Variants in FLRT2 observed in about 807,000 individuals in gnomAD.
FLRT2 encodes leucine-rich repeat transmembrane protein FLRT2.
A neutral mutation model predicts 40.0 loss-of-function variants in FLRT2; 15 were observed. The ratio of observed to expected loss-of-function variants is 0.38; its 90% CI spans 0.25 to 0.58. FLRT2 has a LOEUF of 0.58. Among genes scored for constraint, FLRT2 ranks in the 20% least tolerant of loss-of-function variants. The pLI is 0.71. For synonymous variants in FLRT2, 380 were observed against 336.8 expected (o/e 1.13, Z -1.41); for missense variants, 726 against 840.0 (o/e 0.86, Z 1.68).
rs1894306909 is a variant in FLRT2, at chr14:85,646,464, AGAAG to A, written c.*22973_*22976del. The A allele has an allele frequency of 6.6e-6, 1 of 152,202 alleles. No homozygotes were observed. Among genetic ancestry groups the A allele is most frequent in the Non-Finnish European group, 1.5e-5 (1 of 68,066 alleles). The allele number at this position is 152,202 out of a possible 1,614,324, so 9.4% of individuals were successfully genotyped here. ...ATGAATCAATTTAAAACAAATCATG[AGAAG>A]GAAGGGAGGAAAGGATGAAGTAGGT... is the stretch of plus-strand genomic sequence containing the variant. On this transcript the variant is annotated 3_prime_UTR_variant, in exon 2 of 2. Transcript: ENST00000330753.
At position 85,647,534 on chromosome 14, in the gene FLRT2, G is replaced by C. The variant is rs1169685397; in HGVS notation, c.*24037G>C. 6.6e-6 allele frequency: 1 copy of C among 152,178 alleles called. No individual in the cohort carries two copies. The highest frequency in any genetic ancestry group is 1.5e-5 in the Non-Finnish European group (1 of 68,024). 9.4% of individuals were successfully genotyped at this position (152,178 alleles called of 1,614,324 possible). ...TGGAAGAATGTTTCTCTTCCAAGAG[G>C]ACACAACAATGATTCATTTGAACTC... On this transcript the variant is annotated 3_prime_UTR_variant, in exon 2 of 2. Transcript: ENST00000330753.
chr14:85,581,249 G>T (rs1471598033), intron 1 of FLRT2, among the ~76,000 whole-genome samples: 2 of 152,172 alleles, frequency 1.3e-5, no homozygotes, highest in Non-Finnish European at 2.9e-5. Context: ...CTTCCCATTT[G>T]TTTGAAGATG....
intron 1 of FLRT2, among the ~76,000 whole-genome samples, chr14:85,567,016 A>T (rs1283038397): frequency 6.6e-6 from 1 of 152,218 alleles, no homozygotes; most frequent in Non-Finnish European, 1.5e-5. Flanking sequence ...AAACAGTGTC[A>T]TTGAAAGTTG....
intron 1 of FLRT2, among the ~76,000 whole-genome samples, chr14:85,550,502 A>G (rs897250615): frequency 5.9e-5 from 9 of 152,258 alleles, no homozygotes; most frequent in African/African-American, 2.2e-4. Context: ...TAATGTAATT[A>G]CAATCAGCTA....
Position 85,608,745 on chromosome 14 carries a change from G to A in FLRT2, c.-376-12394G>A, listed in dbSNP as rs977200525. Among the ~76,000 whole-genome samples, 10 of 152,228 alleles carry A rather than the reference G, an allele frequency of 6.6e-5. No homozygotes were observed. The South Asian group carries it at 1.7e-3, about 25-fold the overall frequency. ...TTCTATTTATTCAGGAAGTATGCAC[G>A]ACCCTTCTCTTCTTGGAGGCAGGTC... On this transcript the variant is annotated intron_variant, in intron 1 of 1. Coordinates refer to ENST00000330753, the MANE Select transcript of FLRT2 (RefSeq NM_013231.6).
In FLRT2 at chr14:85,636,619, T is replaced by C. The variant is rs1293731212; in HGVS notation, c.*13122T>C. ...AGAAAAAGAAAGGCAAATAAAATGT[T>C]TATATGAAATTACGAACATTCTGGG... is the stretch of plus-strand genomic sequence containing the variant. On this transcript the variant is annotated 3_prime_UTR_variant, in exon 2 of 2. Coordinates refer to ENST00000330753, the MANE Select transcript of FLRT2 (RefSeq NM_013231.6). 2.0e-5 allele frequency: 3 copies of C among 151,662 alleles called. No homozygotes were observed. The highest frequency in any genetic ancestry group is 4.4e-5 in the Non-Finnish European group (3 of 67,924). The allele number at this position is 151,662 out of a possible 1,614,324, so 9.4% of individuals were successfully genotyped here.
At chr14:85,558,890 T>C (rs1431643329) in intron 1 of FLRT2, among the ~76,000 whole-genome samples, 1 of 152,266 alleles carries the variant, frequency 6.6e-6, no homozygotes, top group Non-Finnish European at 1.5e-5. Flanking sequence ...TAATGTATTC[T>C]GAAATAAAGG....
chr14:85,532,007 G>C (rs755087287), intron 1 of FLRT2, among the ~76,000 whole-genome samples: 1 of 152,200 alleles, frequency 6.6e-6, no homozygotes, highest in Non-Finnish European at 1.5e-5. Flanking sequence ...TCTCAAATAC[G>C]TGAAAGCGGT....
chr14:85,564,701 A>G (rs1252853951), intron 1 of FLRT2, among the ~76,000 whole-genome samples: 1 of 152,250 alleles, frequency 6.6e-6, no homozygotes, highest in Admixed American at 6.5e-5. Flanking sequence ...ACAGAAAAAT[A>G]CTACTATACC....
intron 1 of FLRT2, among the ~76,000 whole-genome samples, chr14:85,619,238 C>T (rs375223561): frequency 2.8e-4 from 42 of 151,952 alleles, no homozygotes; most frequent in African/African-American, 8.7e-4. Context: ...CTCATACCAC[C>T]GCACCTGGCT....
At chr14:85,549,474 T>C (rs1394674343) in intron 1 of FLRT2, among the ~76,000 whole-genome samples, 1 of 152,008 alleles carries the variant, frequency 6.6e-6, no homozygotes, top group Non-Finnish European at 1.5e-5. Context: ...CCTTCACGAG[T>C]CTTGCAAAGA....
intron 1 of FLRT2, among the ~76,000 whole-genome samples, chr14:85,570,281 A>T (rs1195615905): frequency 6.6e-6 from 1 of 152,232 alleles, no homozygotes; most frequent in Non-Finnish European, 1.5e-5. Flanking sequence ...GATATTGTAA[A>T]TAACTCAGTA....
At chr14:85,599,460 G>A (rs189590541) in intron 1 of FLRT2, among the ~76,000 whole-genome samples, 6 of 152,208 alleles carry the variant, frequency 3.9e-5, no homozygotes, top group Admixed American at 1.3e-4. Flanking sequence ...TTATTCATAT[G>A]TACCAGGAGA....
At position 85,634,428 on chromosome 14, in the gene FLRT2, T is replaced by C. The variant is rs1219587575; in HGVS notation, c.*10931T>C. The C allele has an allele frequency of 2.0e-5, 3 of 152,158 alleles. No individual in the cohort carries two copies. The highest frequency in any genetic ancestry group is 7.2e-5 in the African/African-American group (3 of 41,444). The allele number at this position is 152,158 out of a possible 1,614,324, so 9.4% of individuals were successfully genotyped here. ...TATTTTACATAACTGCCCTCATTAG[T>C]TGGAATATAGCATGCTTTACTAGTG... On this transcript the variant is annotated 3_prime_UTR_variant, in exon 2 of 2. Transcript: ENST00000330753.
chr14:85,577,935 G>A (rs1284479029), intron 1 of FLRT2, among the ~76,000 whole-genome samples: 4 of 151,386 alleles, frequency 2.6e-5, no homozygotes, highest in African/African-American at 9.7e-5. Flanking sequence ...CGAGAAGGTC[G>A]TGAGCAGACT....
At chr14:85,616,890 G>A (rs74855480) in intron 1 of FLRT2, among the ~76,000 whole-genome samples, 3,475 of 152,242 alleles carry the variant, frequency 0.023, 139 homozygotes, top group African/African-American at 0.08. Flanking sequence ...TAAATGAATG[G>A]AAAGTATATT....
intron 1 of FLRT2, among the ~76,000 whole-genome samples, chr14:85,556,787 T>A (rs1275147638): frequency 6.6e-6 from 1 of 152,228 alleles, no homozygotes; most frequent in Admixed American, 6.5e-5. Context: ...TTGTCAGTAA[T>A]GCCTTGCTAG....
At chr14:85,554,631 A>G (rs980740561) in intron 1 of FLRT2, among the ~76,000 whole-genome samples, 15 of 152,156 alleles carry the variant, frequency 9.9e-5, no homozygotes, top group Non-Finnish European at 2.2e-4. Flanking sequence ...TTTCTACTTG[A>G]TCCCTTATTT....
chr14:85,569,090 GT>G (rs1340581419), intron 1 of FLRT2, among the ~76,000 whole-genome samples: 2 of 152,156 alleles, frequency 1.3e-5, no homozygotes, highest in Non-Finnish European at 2.9e-5. Flanking sequence ...GACTTCACAG[GT>G]GGTGGATTTT....
Sources: gnomAD v4.1 joint callset for allele counts (sites outside exome capture counted in the v4.1 genomes callset) on GRCh38, gnomAD v4.1.1 for gene constraint, MANE v1.5 for transcripts, NCBI Gene and HGNC (gene_info 2026-07-23, HGNC 2026-07-21) for gene names.